SPECC1: variants seen among roughly 807,000 people sequenced by gnomAD.
The protein encoded by SPECC1 is sperm antigen with calponin homology and coiled-coil domains 1.
SPECC1 carries 62 observed loss-of-function variants against 104.1 expected under a neutral mutation model. That is an observed-to-expected ratio of 0.60 (90% CI 0.49 to 0.74). SPECC1 has a LOEUF of 0.74. Among genes scored for constraint, SPECC1 ranks in the 30% least tolerant of loss-of-function variants. SPECC1 has a pLI of 0.00. For missense variants in SPECC1, 1,306 were observed against 1,310.5 expected, an observed-to-expected ratio of 1.00 and a Z score of 0.05; for synonymous variants, 513 against 501.6, an observed-to-expected ratio of 1.02 and a Z score of -0.30.
chr17:20,131,867 C>G (rs944814042), intron 3 of SPECC1, among the ~76,000 whole-genome samples: 1 of 152,032 alleles, frequency 6.6e-6, no homozygotes, highest in African/African-American at 2.4e-5. Context: ...CCAGGCTGGT[C>G]TTGAACTCCT....
At position 20,218,532 on chromosome 17, in the gene SPECC1, C is replaced by T. The variant is rs547782698; in HGVS notation, c.1864-8881C>T. On this transcript the variant is annotated intron_variant, in intron 4 of 14. Coordinates refer to ENST00000395527, the MANE Select transcript of SPECC1 (RefSeq NM_001243439.2). ...CACAAGCTTCACAGAGCAGTGCTGACCCCTGAGCACAGGCAGGGCTCTCTG... is the reference window on the plus strand; with the variant it reads ...CACAAGCTTCACAGAGCAGTGCTGATCCCTGAGCACAGGCAGGGCTCTCTG... Among the ~76,000 whole-genome samples the T allele has an allele frequency of 2.6e-5, 4 of 152,290 alleles. 1 individual carries two copies. The highest frequency in any genetic ancestry group is 2.6e-4 in the Admixed American group (4 of 15,304).
intron 4 of SPECC1, among the ~76,000 whole-genome samples, chr17:20,213,928 CGTAA>C (rs2037321400): frequency 6.6e-6 from 1 of 152,084 alleles, no homozygotes; most frequent in African/African-American, 2.4e-5. Flanking sequence ...ATTTAAATCA[CGTAA>C]GTCTGTGGGT....
chr17:20,193,076 A>G (rs1236859804), intron 3 of SPECC1, among the ~76,000 whole-genome samples: 1 of 152,214 alleles, frequency 6.6e-6, no homozygotes, highest in East Asian at 1.9e-4. Flanking sequence ...TATGCTAAAC[A>G]AGGGGTGGAT....
intron 12 of SPECC1, among the ~76,000 whole-genome samples, chr17:20,266,692 T>TG (rs2040230463): frequency 6.6e-6 from 1 of 152,186 alleles, no homozygotes; most frequent in Non-Finnish European, 1.5e-5. Flanking sequence ...GGCAGTTAAC[T>TG]GAAATAAAAG....
intron 1 of SPECC1, among the ~76,000 whole-genome samples, chr17:20,039,800 A>G (rs2045250010): frequency 6.6e-6 from 1 of 151,950 alleles, no homozygotes; most frequent in Non-Finnish European, 1.5e-5. Flanking sequence ...CAGGTGATCC[A>G]CCCGCCTTGG....
At chr17:20,018,389 G>T (rs960690983) in intron 1 of SPECC1, among the ~76,000 whole-genome samples, 6 of 152,232 alleles carry the variant, frequency 3.9e-5, no homozygotes, top group African/African-American at 1.4e-4. Context: ...GCAGAAGTAT[G>T]TGTTTAGTTT....
At chr17:20,055,284 G>A (rs569914510) in intron 1 of SPECC1, among the ~76,000 whole-genome samples, 2 of 150,902 alleles carry the variant, frequency 1.3e-5, no homozygotes, top group South Asian at 2.1e-4. Context: ...TTTAGAGGCT[G>A]AATAGTACTC....
At chr17:20,107,867 C>G (rs2048310216) in intron 2 of SPECC1, among the ~76,000 whole-genome samples, 1 of 151,998 alleles carries the variant, frequency 6.6e-6, no homozygotes, top group Admixed American at 6.6e-5. Context: ...AAAAATTAGC[C>G]AGGCATAGTG....
At chr17:20,043,233 G>T (rs1470276687) in intron 1 of SPECC1, among the ~76,000 whole-genome samples, 1 of 152,110 alleles carries the variant, frequency 6.6e-6, no homozygotes, top group African/African-American at 2.4e-5. Context: ...ATAGTGTTGT[G>T]GGGCCTGGCT....
intron 12 of SPECC1, among the ~76,000 whole-genome samples, chr17:20,284,595 A>T (rs978664129): frequency 6.6e-6 from 1 of 152,232 alleles, no homozygotes; most frequent in Admixed American, 6.5e-5. Flanking sequence ...TTATGTGTGC[A>T]TTTGCTTTGT....
intron 1 of SPECC1, among the ~76,000 whole-genome samples, chr17:20,066,405 G>T (rs1002653764): frequency 6.6e-6 from 1 of 152,166 alleles, no homozygotes; most frequent in Non-Finnish European, 1.5e-5. Flanking sequence ...TGCAGAGCTG[G>T]CTGGATGCCC....
chr17:20,139,906 C>T (rs1448015854), intron 3 of SPECC1, among the ~76,000 whole-genome samples: 4 of 152,068 alleles, frequency 2.6e-5, no homozygotes, highest in African/African-American at 7.2e-5. Flanking sequence ...GAACTCCTGA[C>T]GTTGTGATCC....
intron 13 of SPECC1, among the ~76,000 whole-genome samples, chr17:20,299,698 A>G (rs1312569214): frequency 6.6e-6 from 1 of 152,168 alleles, no homozygotes; most frequent in Non-Finnish European, 1.5e-5. Flanking sequence ...TAAAATATTT[A>G]AATTACTTTT....
chr17:20,145,577 TTAAGAA>T (rs1269285429), intron 3 of SPECC1, among the ~76,000 whole-genome samples: 1 of 152,142 alleles, frequency 6.6e-6, no homozygotes, highest in Non-Finnish European at 1.5e-5. Context: ...CAGTATCTCT[TTAAGAA>T]TAAGAGAACT....
At position 20,026,663 on chromosome 17, in the gene SPECC1, A is replaced by G. The variant is rs905574789; in HGVS notation, c.-22+17239A>G. ...GTATTCTATTGAGTGTATATGCCAC[A>G]TTTTCTTTATCCATTCATCTGTTGA... On this transcript the variant is annotated intron_variant, in intron 1 of 14. Coordinates refer to ENST00000395527, the MANE Select transcript of SPECC1 (RefSeq NM_001243439.2). Among the ~76,000 whole-genome samples, 4 of 152,052 alleles carry G rather than the reference A, an allele frequency of 2.6e-5. No homozygotes were observed. In the East Asian group the frequency reaches 5.8e-4, roughly 22 times the overall value.
intron 3 of SPECC1, among the ~76,000 whole-genome samples, chr17:20,153,903 T>C (rs1200300332): frequency 6.6e-6 from 1 of 152,220 alleles, no homozygotes; most frequent in African/African-American, 2.4e-5. Flanking sequence ...TTGCACTTGG[T>C]GTCATATGCA....
At chr17:20,132,212 C>T (rs866235196) in intron 3 of SPECC1, among the ~76,000 whole-genome samples, 8 of 152,126 alleles carry the variant, frequency 5.3e-5, no homozygotes, top group South Asian at 2.1e-4. Flanking sequence ...TTTTTCAGAT[C>T]TTGAACCTGC....
At chr17:20,071,413 C>T (rs542252941) in intron 1 of SPECC1, among the ~76,000 whole-genome samples, 1 of 151,660 alleles carries the variant, frequency 6.6e-6, no homozygotes, top group African/African-American at 2.4e-5. Flanking sequence ...TAATTTTCTC[C>T]TTTAGAGAAG....
At chr17:20,123,519 C>G (rs2049139125) in intron 3 of SPECC1, among the ~76,000 whole-genome samples, 2 of 152,218 alleles carry the variant, frequency 1.3e-5, no homozygotes, top group African/African-American at 4.8e-5. Flanking sequence ...CCTGTCCTCT[C>G]TGACATGAGG....
Sources: gnomAD v4.1 joint callset for allele counts (sites outside exome capture counted in the v4.1 genomes callset) on GRCh38, gnomAD v4.1.1 for gene constraint, MANE v1.5 for transcripts, NCBI Gene and HGNC (gene_info 2026-07-23, HGNC 2026-07-21) for gene names.